MAN2A1: variants seen among roughly 807,000 people sequenced by gnomAD.
The protein encoded by MAN2A1 is alpha-mannosidase 2.
Under a neutral mutation model 142.6 loss-of-function variants are expected in MAN2A1, and 76 were observed. That is an observed-to-expected ratio of 0.53 (90% CI 0.44 to 0.65). The LOEUF is 0.65. MAN2A1 is among the 30% of genes least tolerant of loss of function. The pLI, the probability that MAN2A1 is intolerant of heterozygous loss-of-function variation, is 0.00. For missense variants in MAN2A1, 1,311 were observed against 1,365.1 expected (o/e 0.96, Z 0.62); for synonymous variants, 559 against 473.2 (o/e 1.18, Z -2.35).
intron 3 of MAN2A1, among the ~76,000 whole-genome samples, chr5:109,720,276 A>C (rs1751564494): frequency 6.6e-6 from 1 of 152,218 alleles, no homozygotes; most frequent in Admixed American, 6.5e-5. Context: ...TAGTAGGAAG[A>C]CCTAGGCCCA....
intron 3 of MAN2A1, among the ~76,000 whole-genome samples, chr5:109,717,721 G>T (rs937526574): frequency 6.6e-6 from 1 of 152,166 alleles, no homozygotes; most frequent in Non-Finnish European, 1.5e-5. Context: ...TGGCTCTGCG[G>T]TGTATTGCCT....
chr5:109,792,092 C>T lies in MAN2A1; in HGVS notation c.1943+2565C>T, dbSNP rs149265369. On this transcript the variant is annotated intron_variant, in intron 12 of 21. Transcript: ENST00000261483. ...ACTAAGATATAAAAAGAAAAGCCCT[C>T]CCATAACGCATTGCCATTGGCTTGT... Among the ~76,000 whole-genome samples, 371 of 152,136 alleles carry T rather than the reference C, an allele frequency of 2.4e-3. 2 individuals carry two copies. The highest frequency in any genetic ancestry group is 8.7e-3 in the African/African-American group (362 of 41,524).
rs377761306 is a variant in MAN2A1, at chr5:109,788,965, A to T, written c.1792A>T (p.Ile598Leu). Residue 598 changes from isoleucine (I) to leucine (L), a missense_variant, in exon 11 of 22, where the codon ATA becomes TTA. This residue lies in a region of MAN2A1 where 890 missense variants were observed against 920.5 expected (regional missense o/e 0.97). Transcript: ENST00000261483. ...TCATTCGTTAATGGTTTTGGAGAAG[A>T]TAATTGGAAATTCTGCATTTCTTCT... Reference protein sequence around the residue: ...LFHSLMVLEKIIGNSAFLLIL... With the variant: ...LFHSLMVLEKLIGNSAFLLIL... 4.6e-5 allele frequency: 73 copies of T among 1,598,986 alleles called. No individual in the cohort carries two copies. The highest frequency in any genetic ancestry group is 6.3e-5 in the Non-Finnish European group (73 of 1,167,908).
intron 12 of MAN2A1, among the ~76,000 whole-genome samples, chr5:109,797,902 T>C (rs1383984734): frequency 1.3e-5 from 2 of 152,210 alleles, no homozygotes; most frequent in Non-Finnish European, 2.9e-5. Context: ...TTATCTTTCA[T>C]ATGTGAAGGT....
chr5:109,695,438 G>A (rs1379850816), intron 1 of MAN2A1, among the ~76,000 whole-genome samples: 4 of 152,144 alleles, frequency 2.6e-5, no homozygotes, highest in Non-Finnish European at 5.9e-5. Context: ...ATTGCTTTTT[G>A]TGATAACTGA....
intron 3 of MAN2A1, among the ~76,000 whole-genome samples, chr5:109,720,863 C>T (rs1751583143): frequency 6.6e-6 from 1 of 152,152 alleles, no homozygotes; most frequent in Non-Finnish European, 1.5e-5. Flanking sequence ...ATGAGATGGT[C>T]ATCGGAAGGA....
chr5:109,752,479 T>C (rs1331907382), intron 4 of MAN2A1, among the ~76,000 whole-genome samples: 2 of 152,226 alleles, frequency 1.3e-5, no homozygotes, highest in African/African-American at 4.8e-5. Flanking sequence ...TTCTAGTCCA[T>C]GCTCTCTTGG....
intron 13 of MAN2A1, among the ~76,000 whole-genome samples, chr5:109,819,118 A>G (rs1561527831): frequency 6.6e-6 from 1 of 152,244 alleles, no homozygotes; most frequent in Non-Finnish European, 1.5e-5. Flanking sequence ...CGCTTTCAGT[A>G]TAGTATATAA....
chr5:109,757,921 A>G (rs1752732225), intron 5 of MAN2A1, among the ~76,000 whole-genome samples: 2 of 152,158 alleles, frequency 1.3e-5, no homozygotes, highest in South Asian at 4.1e-4. Context: ...TGGATATACC[A>G]GATTTGTTTA....
chr5:109,860,686 G>A (rs925006936), intron 20 of MAN2A1, among the ~76,000 whole-genome samples: 1 of 152,154 alleles, frequency 6.6e-6, no homozygotes, highest in African/African-American at 2.4e-5. Flanking sequence ...TTCAGTAGAG[G>A]ACTATTCACC....
intron 1 of MAN2A1, among the ~76,000 whole-genome samples, chr5:109,692,438 C>G (rs1750697246): frequency 6.6e-6 from 1 of 152,116 alleles, no homozygotes; most frequent in Non-Finnish European, 1.5e-5. Flanking sequence ...ACTGAATCCT[C>G]AAGCAGATAG....
chr5:109,845,949 A>C lies in MAN2A1; in HGVS notation c.2785A>C (p.Lys929Gln), dbSNP rs1275201967. Residue 929 changes from lysine (K) to glutamine (Q), a missense_variant, in exon 18 of 22, where the codon AAA becomes CAA. Coordinates refer to ENST00000261483, the MANE Select transcript of MAN2A1 (RefSeq NM_002372.4). Reference sequence around the variant, plus strand: ...CACAATGGCCTATATCCAGGATGCCAAACATCGTTTGACACTGCTCTCTGC... The same window carrying C: ...CACAATGGCCTATATCCAGGATGCCCAACATCGTTTGACACTGCTCTCTGC... The part of the protein sequence containing the change: ...MTTMAYIQDA[K>Q]HRLTLLSAQS... 4 of 1,613,778 alleles carry C rather than the reference A, an allele frequency of 2.5e-6. No individual in the cohort carries two copies. Among genetic ancestry groups the C allele is most frequent in the Non-Finnish European group, 2.5e-6 (3 of 1,179,812 alleles).
intron 16 of MAN2A1, among the ~76,000 whole-genome samples, chr5:109,836,376 A>G (rs1755055509): frequency 6.6e-6 from 1 of 151,222 alleles, no homozygotes; most frequent in Admixed American, 6.6e-5. Flanking sequence ...TCGGCCTCCC[A>G]AAGTACTGGA....
At chr5:109,861,182 A>T (rs1755746085) in intron 20 of MAN2A1, among the ~76,000 whole-genome samples, 1 of 152,098 alleles carries the variant, frequency 6.6e-6, no homozygotes, top group African/African-American at 2.4e-5. Flanking sequence ...TGGTAATAAT[A>T]CTCACCTTAG....
At chr5:109,754,791 T>TG (rs1399819577) in intron 4 of MAN2A1, among the ~76,000 whole-genome samples, 8 of 152,124 alleles carry the variant, frequency 5.3e-5, no homozygotes, top group Admixed American at 1.3e-4. Context: ...CACCTGAGGC[T>TG]GGGGGTTCAA....
intron 19 of MAN2A1, among the ~76,000 whole-genome samples, chr5:109,848,884 G>A (rs1755407636): frequency 6.6e-6 from 1 of 152,170 alleles, no homozygotes; most frequent in African/African-American, 2.4e-5. Flanking sequence ...TTTATGAGAT[G>A]AGTTTATTTC....
rs73781630 is a variant in MAN2A1, at chr5:109,713,284, C to T, written c.136-236C>T. Among the ~76,000 whole-genome samples, 356 of 152,138 alleles carry T rather than the reference C, an allele frequency of 2.3e-3. 5 individuals are homozygous for T. The highest frequency in any genetic ancestry group is 8.1e-3 in the African/African-American group (335 of 41,502). ...AAATATTTTTGGTCTTTCTGTTGCA[C>T]GTCTTAAAATATGATTAAGCAAAGA... On this transcript the variant is annotated intron_variant, in intron 1 of 21. Transcript: ENST00000261483.
At chr5:109,808,116 C>A (rs1417700230) in intron 12 of MAN2A1, among the ~76,000 whole-genome samples, 3 of 152,204 alleles carry the variant, frequency 2.0e-5, no homozygotes, top group Non-Finnish European at 4.4e-5. Flanking sequence ...TAGAGATGCA[C>A]TTTACTGTGT....
chr5:109,737,747 A>T (rs1561486705), intron 4 of MAN2A1, among the ~76,000 whole-genome samples: 1 of 152,184 alleles, frequency 6.6e-6, no homozygotes, highest in Non-Finnish European at 1.5e-5. Context: ...CCTAATAAAG[A>T]TGCTAATCCA....
Sources: allele counts gnomAD v4.1 joint callset (sites outside exome capture counted in the v4.1 genomes callset), GRCh38; gene constraint gnomAD v4.1.1; regional missense constraint gnomAD v4.1.1; transcripts MANE v1.5; gene names NCBI Gene and HGNC (gene_info 2026-07-23, HGNC 2026-07-21).